The following NXN variants were observed in gnomAD, a reference collection of about 807,000 sequenced individuals.
The protein encoded by NXN is nucleoredoxin, also known as nucleoredoxin 1.
In NXN, 16 loss-of-function variants were observed where a neutral mutation model predicts 48.6. The ratio of observed to expected loss-of-function variants is 0.33; its 90% CI spans 0.22 to 0.50. NXN has a LOEUF of 0.50. Ranked by LOEUF, NXN falls within the 20% of genes least tolerant of loss-of-function variation. NXN has a pLI of 0.98. For synonymous variants in NXN, 281 were observed against 269.6 expected (o/e 1.04, Z -0.41); for missense variants, 492 against 605.5 (o/e 0.81, Z 1.97).
intron 5 of NXN, among the ~76,000 whole-genome samples, chr17:810,949 G>C (rs997220319): frequency 6.6e-6 from 1 of 152,006 alleles, no homozygotes; most frequent in Admixed American, 6.6e-5. Context: ...TAAAGGTCTC[G>C]AGGCAGCCCC....
At chr17:836,838 T>C (rs1014897671) in intron 1 of NXN, among the ~76,000 whole-genome samples, 3 of 152,282 alleles carry the variant, frequency 2.0e-5, no homozygotes, top group African/African-American at 7.2e-5. Context: ...ATGGGTCTCA[T>C]TCTGTGGCCC....
At chr17:818,354 G>C (rs1912601921) in intron 5 of NXN, among the ~76,000 whole-genome samples, 1 of 152,034 alleles carries the variant, frequency 6.6e-6, no homozygotes, top group South Asian at 2.1e-4. Context: ...TCACCGAGAA[G>C]GTGATACCCA....
At chr17:875,931 C>T (rs973159453) in intron 1 of NXN, among the ~76,000 whole-genome samples, 5 of 152,054 alleles carry the variant, frequency 3.3e-5, no homozygotes, top group African/African-American at 1.2e-4. Flanking sequence ...TGCCTGTGAT[C>T]CCAGCACTTT....
At chr17:918,031 T>C (rs1202481042) in intron 1 of NXN, among the ~76,000 whole-genome samples, 1 of 152,176 alleles carries the variant, frequency 6.6e-6, no homozygotes, top group African/African-American at 2.4e-5. Context: ...ATTTGCAGCA[T>C]AAAGGAAATC....
chr17:862,022 G>C (rs1409815481), intron 1 of NXN, among the ~76,000 whole-genome samples: 1 of 152,032 alleles, frequency 6.6e-6, no homozygotes, highest in Non-Finnish European at 1.5e-5. Flanking sequence ...ATGGAGACGG[G>C]GTTTCACCAC....
At chr17:805,874 G>T (rs537982999) in intron 5 of NXN, among the ~76,000 whole-genome samples, 1 of 151,986 alleles carries the variant, frequency 6.6e-6, no homozygotes, top group Non-Finnish European at 1.5e-5. Flanking sequence ...CTTAGCACAG[G>T]GTCATGGCGC....
chr17:954,788 C>T (rs976806799), intron 1 of NXN, among the ~76,000 whole-genome samples: 1 of 152,254 alleles, frequency 6.6e-6, no homozygotes, highest in East Asian at 1.9e-4. Flanking sequence ...AATGGAATGG[C>T]TCTCTACCAG....
intron 1 of NXN, among the ~76,000 whole-genome samples, chr17:900,126 G>A (rs1445276163): frequency 6.6e-6 from 1 of 152,098 alleles, no homozygotes; most frequent in Non-Finnish European, 1.5e-5. Flanking sequence ...TTAGCGGGGT[G>A]TGGTGGCGCA....
chr17:865,105 T>G (rs918949605), intron 1 of NXN, among the ~76,000 whole-genome samples: 1 of 152,180 alleles, frequency 6.6e-6, no homozygotes, highest in Admixed American at 6.5e-5. Flanking sequence ...GAAGTCATCT[T>G]TCTCGCTCGA....
chr17:935,148 C>T (rs532487224), intron 1 of NXN, among the ~76,000 whole-genome samples: 4 of 151,948 alleles, frequency 2.6e-5, no homozygotes, highest in Admixed American at 6.6e-5. Flanking sequence ...CATGCACTAC[C>T]ACGCCCAGAT....
rs143151425 is a variant in NXN, at chr17:805,135, G to C, written c.933C>G (p.Pro311=). Residue 311 remains proline (P), a synonymous_variant, in exon 6 of 8, where the codon CCC becomes CCG. Coordinates refer to ENST00000336868, the MANE Select transcript of NXN (RefSeq NM_022463.5). ...DCREFPWHPK[P]VLELSDSNAA... Reference sequence around the variant, plus strand: ...CGTTGGAGTCGGAGAGCTCCAGCACGGGCTTGGGGTGCCAGGGGAACTCCC... The same window carrying C: ...CGTTGGAGTCGGAGAGCTCCAGCACCGGCTTGGGGTGCCAGGGGAACTCCC... The C allele has an allele frequency of 3.4e-5, 54 of 1,610,054 alleles. No individual in the cohort carries two copies. In the African/African-American group the frequency reaches 6.7e-4, roughly 20 times the overall value.
chr17:893,296 C>A (rs1237492056), intron 1 of NXN, among the ~76,000 whole-genome samples: 1 of 152,156 alleles, frequency 6.6e-6, no homozygotes, highest in African/African-American at 2.4e-5. Context: ...GGGGGATAAT[C>A]TTTTTAGGGG....
chr17:809,953 CTGTG>C (rs766129058), intron 5 of NXN, among the ~76,000 whole-genome samples: 3 of 115,534 alleles, frequency 2.6e-5, no homozygotes, highest in African/African-American at 9.2e-5. Context: ...CGTTACGAGT[CTGTG>C]TGAGTGGCGT....
intron 5 of NXN, among the ~76,000 whole-genome samples, chr17:806,181 A>C (rs961857743): frequency 0.1 from 1,319 of 12,946 alleles, 49 homozygotes; most frequent in African/African-American, 0.14. Context: ...GCACCCCAGC[A>C]CAACCCCCTC....
At chr17:964,927 A>C (rs1170080812) in intron 1 of NXN, among the ~76,000 whole-genome samples, 2 of 152,178 alleles carry the variant, frequency 1.3e-5, no homozygotes, top group African/African-American at 4.8e-5. Flanking sequence ...TATTAAGAAA[A>C]AGACTCCCTC....
At chr17:954,726 C>G (rs1414235273) in intron 1 of NXN, among the ~76,000 whole-genome samples, 1 of 152,232 alleles carries the variant, frequency 6.6e-6, no homozygotes, top group South Asian at 2.1e-4. Flanking sequence ...TCCTCTCCTT[C>G]CCTGATGGCC....
rs796107576 is a variant in NXN at position 849,291 on chromosome 17, G to A, written c.361-23213C>T. On this transcript the variant is annotated intron_variant, in intron 1 of 7. Transcript: ENST00000336868. This position sits in a 1 kb window ranked among gnomAD's most constrained non-coding sequence, Gnocchi z 4.2. ...CTCACGCCTGTAATCCCAGCACTTTGGGAGGCCGAGACAGGTGGGTCACCT... is the reference window on the plus strand; with the variant it reads ...CTCACGCCTGTAATCCCAGCACTTTAGGAGGCCGAGACAGGTGGGTCACCT... 4.6e-5 allele frequency among the ~76,000 whole-genome samples: 7 copies of A among 152,286 alleles called. No individual in the cohort carries two copies. Among genetic ancestry groups the A allele is most frequent in the African/African-American group, 1.7e-4 (7 of 41,560 alleles).
chr17:958,171 G>A lies in NXN; in HGVS notation c.360+21148C>T, dbSNP rs542762337. On this transcript the variant is annotated intron_variant, in intron 1 of 7. Coordinates refer to ENST00000336868, the MANE Select transcript of NXN (RefSeq NM_022463.5). The surrounding 1 kb of genome is among the most constrained non-coding windows in gnomAD (Gnocchi z 6.9). ...AATCCACTGGACTACCCTCCCCCTC[G>A]TTTGAAAAGGTCACTTGCACATTCT... is the stretch of plus-strand genomic sequence containing the variant. Among the ~76,000 whole-genome samples, 71 of 152,146 alleles carry A rather than the reference G, an allele frequency of 4.7e-4. No individual in the cohort carries two copies. The highest frequency in any genetic ancestry group is 8.3e-4 in the South Asian group (4 of 4,822).
intron 1 of NXN, among the ~76,000 whole-genome samples, chr17:875,908 G>C (rs1381078991): frequency 1.3e-5 from 2 of 152,140 alleles, no homozygotes; most frequent in African/African-American, 4.8e-5. Context: ...TTTAGGCCGG[G>C]CACAGTGGCT....
Sources: gnomAD v4.1 joint callset for allele counts (sites outside exome capture counted in the v4.1 genomes callset) on GRCh38, gnomAD v4.1.1 for gene constraint, Gnocchi (gnomAD v3.1) non-coding constraint, MANE v1.5 for transcripts, NCBI Gene and HGNC (gene_info 2026-07-23, HGNC 2026-07-21) for gene names.